Variants in TARS3 observed in about 807,000 individuals in gnomAD.
TARS3 encodes threonyl-tRNA synthetase 3, also known as threonine--tRNA ligase 2, cytoplasmic.
A neutral mutation model predicts 103.5 loss-of-function variants in TARS3; 94 were observed. The ratio of observed to expected loss-of-function variants is 0.91; its 90% CI spans 0.77 to 1.08. TARS3 has a LOEUF of 1.08. Ranked by LOEUF, TARS3 falls within the 50% of genes least tolerant of loss-of-function variation. The pLI, the probability that TARS3 is intolerant of heterozygous loss-of-function variation, is 0.00. For synonymous variants in TARS3, 416 were observed against 355.4 expected (o/e 1.17, Z -1.92); for missense variants, 952 against 995.2 (o/e 0.96, Z 0.58).
intron 10 of TARS3, chr15:101,699,223 A>G (rs577592352): frequency 2.8e-4 from 80 of 288,210 alleles, no homozygotes; most frequent in Middle Eastern, 8.3e-4. Context: ...GGTAAGGCCA[A>G]TTCCTTCAGA....
chr15:101,656,991 A>C lies in TARS3; in HGVS notation c.2191T>G (p.Leu731Val). 2 of 1,614,008 alleles carry C rather than the reference A, an allele frequency of 1.2e-6. No individual in the cohort carries two copies. Among genetic ancestry groups the C allele is most frequent in the Non-Finnish European group, 1.7e-6 (2 of 1,179,892 alleles). Residue 731 changes from leucine (L) to valine (V), a missense_variant, in exon 18 of 19, where the codon TTG (leucine) becomes GTG (valine). Leu to Val is a conservative substitution (Grantham distance 32, BLOSUM62 1). Coordinates refer to ENST00000335968, the MANE Select transcript of TARS3 (RefSeq NM_152334.3). ...FEEGFMADVDLDHSCTLNKKI... is the reference protein window; with the variant it reads ...FEEGFMADVDVDHSCTLNKKI... ...TTATTTAGTGTACAACTGTGATCCA[A>C]GTCAACGTCAGCCATAAATCCTTCT...
chr15:101,678,551 C>T (rs968087), intron 12 of TARS3, among the ~76,000 whole-genome samples: 151,021 of 151,926 alleles, frequency 0.99, 75,065 homozygotes, highest in Middle Eastern at 1. Context: ...CTTATCAGTC[C>T]AGATATTGTC....
intron 12 of TARS3, among the ~76,000 whole-genome samples, chr15:101,678,986 GTTTT>G (rs1033178357): frequency 2.0e-5 from 3 of 151,824 alleles, no homozygotes; most frequent in Non-Finnish European, 2.9e-5. Context: ...CAGGATTTTT[GTTTT>G]TTGTTTTTTA....
chr15:101,724,113 G>T lies in TARS3; in HGVS notation c.275C>A (p.Ala92Glu). The T allele has an allele frequency of 1.4e-6, 2 of 1,379,610 alleles. No individual in the cohort carries two copies. Among genetic ancestry groups the T allele is most frequent in the South Asian group, 3.2e-5 (2 of 61,858 alleles). The allele number at this position is 1,379,610 out of a possible 1,614,324, so 85.5% of individuals were successfully genotyped here. Reference protein sequence around the residue: ...QATLESAELEAAQEAGAQPPP... With the variant: ...QATLESAELEEAQEAGAQPPP... Reference sequence around the variant, plus strand: ...TACCTGTGCGCCGGCCTCCTGCGCCGCCTCTAGCTCCGCGCTCTCCAGCGT... The same window carrying T: ...TACCTGTGCGCCGGCCTCCTGCGCCTCCTCTAGCTCCGCGCTCTCCAGCGT... The change falls in exon 1 of 19, where the codon GCG (alanine) becomes GAG (glutamate). Residue 92 changes from alanine to glutamate, a missense_variant. Ala to Glu is a moderately radical substitution (Grantham distance 107, BLOSUM62 -1). Around this residue, in one of 2 missense-constraint regions of TARS3, gnomAD observed 412 missense variants for 364.2 expected, o/e 1.13. Transcript: ENST00000335968.
At chr15:101,665,109 A>G (rs997276142) in intron 15 of TARS3, among the ~76,000 whole-genome samples, 4 of 152,252 alleles carry the variant, frequency 2.6e-5, no homozygotes, top group Non-Finnish European at 5.9e-5. Context: ...AAAACTGGAA[A>G]AATACCAAAA....
rs1250874786 is a variant in TARS3, at chr15:101,676,103, C to T, written c.1651-366G>A. 2.6e-5 allele frequency among the ~76,000 whole-genome samples: 4 copies of T among 152,152 alleles called. No homozygotes were observed. The East Asian group carries it at 7.7e-4, about 29-fold the overall frequency. ...CAGAGGACACACTGAGTTGAAGGCT[C>T]CGTGGACAGAGGAGCAGACTAAGTC... is the stretch of plus-strand genomic sequence containing the variant. On this transcript the variant is annotated intron_variant, in intron 12 of 18. Coordinates refer to ENST00000335968, the MANE Select transcript of TARS3 (RefSeq NM_152334.3).
chr15:101,722,045 A>G (rs1900492675), intron 2 of TARS3, among the ~76,000 whole-genome samples: 1 of 152,170 alleles, frequency 6.6e-6, no homozygotes, highest in African/African-American at 2.4e-5. Context: ...CGTGTATTAA[A>G]TACATTTTTA....
Position 101,721,258 on chromosome 15 carries a change from T to C in TARS3, c.434A>G (p.His145Arg), listed in dbSNP as rs1273156372. 7 of 1,613,912 alleles carry C rather than the reference T, an allele frequency of 4.3e-6. No homozygotes were observed. Among genetic ancestry groups the C allele is most frequent in the Non-Finnish European group, 5.9e-6 (7 of 1,179,900 alleles). ...LKLFEILKKD[H>R]QLLLAIYGKK... is the part of the protein sequence containing the mutation. ...TCCATAAATGGCAAGTAAGAGCTGA[T>C]GGTCTTTCTTCAGTATTTCAAAAAG... The change falls in exon 3 of 19, where the codon CAT becomes CGT. Residue 145 changes from histidine to arginine, a missense_variant. Transcript: ENST00000335968.
At chr15:101,670,985 T>G (rs183688300) in intron 15 of TARS3, among the ~76,000 whole-genome samples, 16 of 151,790 alleles carry the variant, frequency 1.1e-4, no homozygotes, top group Non-Finnish European at 1.8e-4. Context: ...GGGTTAGGAG[T>G]AGGAGGAGTG....
chr15:101,699,768 C>T lies in TARS3; in HGVS notation c.1320+1318G>A, dbSNP rs117394999. 6.7e-3 allele frequency among the ~76,000 whole-genome samples: 994 copies of T among 148,512 alleles called. 2 individuals are homozygous for T. The highest frequency in any genetic ancestry group is 0.017 in the Middle Eastern group (5 of 294). Reference sequence around the variant, plus strand: ...GGGGCACAGCACAAGAAGAAAAAGACGGAGAACAAGACTGGAGAAGCAAAC... The same window carrying T: ...GGGGCACAGCACAAGAAGAAAAAGATGGAGAACAAGACTGGAGAAGCAAAC... On this transcript the variant is annotated intron_variant, in intron 10 of 18. Coordinates refer to ENST00000335968, the MANE Select transcript of TARS3 (RefSeq NM_152334.3).
intron 13 of TARS3, 39 bp downstream of exon 13, chr15:101,675,561 C>A: frequency 6.3e-7 from 1 of 1,590,910 alleles, no homozygotes; most frequent in Non-Finnish European, 8.6e-7. Flanking sequence ...GTCTTCCATA[C>A]GACTAAAATG....
chr15:101,669,985 A>C (rs1338126119), intron 15 of TARS3, among the ~76,000 whole-genome samples: 1 of 152,262 alleles, frequency 6.6e-6, no homozygotes. Context: ...ACTTAGATGC[A>C]AACAATGAAT....
At chr15:101,699,990 A>G (rs748840258) in intron 10 of TARS3, among the ~76,000 whole-genome samples, 1 of 152,200 alleles carries the variant, frequency 6.6e-6, no homozygotes, top group Admixed American at 6.5e-5. Flanking sequence ...ATCAGTTTGC[A>G]AGAATCTTAG....
chr15:101,663,570 A>G (rs1016914880), intron 15 of TARS3, among the ~76,000 whole-genome samples: 1 of 152,162 alleles, frequency 6.6e-6, no homozygotes, highest in African/African-American at 2.4e-5. Flanking sequence ...AAGTTTATTC[A>G]TATTTTCTAT....
chr15:101,672,994 T>C (rs913463134), intron 13 of TARS3, among the ~76,000 whole-genome samples: 2 of 152,130 alleles, frequency 1.3e-5, no homozygotes, highest in Non-Finnish European at 2.9e-5. Context: ...CCTCGGGCCT[T>C]GGAGGACACA....
Position 101,708,846 on chromosome 15 carries a change from G to A in TARS3, c.877C>T (p.Gln293Ter). The A allele has an allele frequency of 6.2e-7, 1 of 1,613,426 alleles. No individual in the cohort carries two copies. Among genetic ancestry groups the A allele is most frequent in the Non-Finnish European group, 8.5e-7 (1 of 1,179,784 alleles). Residue 293 changes from glutamine to a stop codon, truncating the protein, a stop_gained, in exon 6 of 19, where the codon CAA becomes TAA. Transcript: ENST00000335968. LOFTEE classifies it high-confidence loss of function. ...CTGACTTCTAGTCTTTCAAAAGGTT[G>A]CTTTTCTTTTATGATGGCTTTACAT... ...NICKAIIKEK[Q>*]PFERLEVSKE... is the part of the protein sequence containing the mutation.
intron 10 of TARS3, among the ~76,000 whole-genome samples, chr15:101,690,941 A>G (rs1215005106): frequency 6.6e-6 from 1 of 152,026 alleles, no homozygotes; most frequent in Non-Finnish European, 1.5e-5. Flanking sequence ...TTTAATGGGT[A>G]TCAATCTTTT....
chr15:101,663,952 T>C (rs557346513), intron 15 of TARS3, among the ~76,000 whole-genome samples: 1 of 152,362 alleles, frequency 6.6e-6, no homozygotes, highest in East Asian at 1.9e-4. Context: ...CCTTTCTGCA[T>C]GCTGAATGTA....
intron 10 of TARS3, among the ~76,000 whole-genome samples, chr15:101,695,144 C>T (rs1485178039): frequency 6.6e-6 from 1 of 152,116 alleles, no homozygotes; most frequent in Non-Finnish European, 1.5e-5. Context: ...ATAAAATTCA[C>T]CAATTTTAAG....
Sources: gnomAD v4.1 joint callset for allele counts (sites outside exome capture counted in the v4.1 genomes callset) on GRCh38, gnomAD v4.1.1 for gene constraint, gnomAD v4.1.1 regional missense constraint, MANE v1.5 for transcripts, NCBI Gene and HGNC (gene_info 2026-07-23, HGNC 2026-07-21) for gene names.